CCDC171: variants seen among roughly 807,000 people sequenced by gnomAD.
The protein encoded by CCDC171 is coiled-coil domain-containing protein 171.
Under a neutral mutation model 168.2 loss-of-function variants are expected in CCDC171, and 177 were observed. That is an observed-to-expected ratio of 1.05 (90% CI 0.93 to 1.19). The LOEUF (loss-of-function observed/expected upper bound fraction) is 1.19, where lower values mean the gene tolerates loss of function less well. CCDC171 is among the 50% of genes most tolerant of loss of function. The pLI, the probability that CCDC171 is intolerant of heterozygous loss-of-function variation, is 0.00. For synonymous variants in CCDC171, 687 were observed against 540.8 expected (o/e 1.27, Z -3.75); for missense variants, 1,991 against 1,539.0 (o/e 1.29, Z -4.91).
intron 23 of CCDC171, among the ~76,000 whole-genome samples, chr9:15,861,142 C>T (rs1030619234): frequency 2.0e-5 from 3 of 151,452 alleles, no homozygotes; most frequent in African/African-American, 7.3e-5. Context: ...ATATCTATTT[C>T]CAACACTTTA....
At chr9:15,576,160 T>C (rs2131178253) in intron 3 of CCDC171, among the ~76,000 whole-genome samples, 1 of 151,350 alleles carries the variant, frequency 6.6e-6, no homozygotes, top group South Asian at 2.1e-4. Context: ...TGTGTGTGTG[T>C]ATATACATGT....
At chr9:15,726,371 C>T (rs534425565) in intron 14 of CCDC171, among the ~76,000 whole-genome samples, 1 of 152,128 alleles carries the variant, frequency 6.6e-6, no homozygotes, top group South Asian at 2.1e-4. Flanking sequence ...GACATAATAG[C>T]GACACAATGA....
intron 10 of CCDC171, among the ~76,000 whole-genome samples, chr9:15,693,173 C>T (rs1206966940): frequency 6.7e-6 from 1 of 148,312 alleles, no homozygotes; most frequent in African/African-American, 2.5e-5. Context: ...AAAACAGATG[C>T]TGTGTAGAAA....
chr9:16,103,520 C>T, the CCDC171 span, among the ~76,000 whole-genome samples: 1 of 152,184 alleles, frequency 6.6e-6, no homozygotes, highest in Non-Finnish European at 1.5e-5. Context: ...TAAAGAGCCC[C>T]TTGTTTTCAT....
At chr9:16,103,540 G>C in the CCDC171 span, among the ~76,000 whole-genome samples, 867 of 152,328 alleles carry the variant, frequency 5.7e-3, 8 homozygotes, top group African/African-American at 0.02. Context: ...TCTGCAGGAG[G>C]CCTCATTTGA....
At chr9:16,069,986 C>T in the CCDC171 span, among the ~76,000 whole-genome samples, 1 of 152,150 alleles carries the variant, frequency 6.6e-6, no homozygotes, top group Non-Finnish European at 1.5e-5. Flanking sequence ...GCCAGACTCT[C>T]CTCTCCCTGT....
rs1305322715 is a variant in CCDC171 at position 15,820,246 on chromosome 9, C to G, written c.3268-26456C>G. ...GCCCACAAGAGAAAGCAGAAAAGAT[C>G]TAAAATCGACACCCTAACATCACAA... is the stretch of plus-strand genomic sequence containing the variant. On this transcript the variant is annotated intron_variant, in intron 21 of 25. Coordinates refer to ENST00000380701, the MANE Select transcript of CCDC171 (RefSeq NM_173550.4). Among the ~76,000 whole-genome samples, 4 of 112,756 alleles carry G rather than the reference C, an allele frequency of 3.5e-5. 2 individuals carry two copies. The highest frequency in any genetic ancestry group is 1.7e-4 in the Admixed American group (2 of 12,010). 74.0% of individuals were successfully genotyped at this position (112,756 alleles called of 152,430 possible). A position where few individuals can be genotyped will look rare whatever the true frequency, so the allele number is the denominator to read the frequency against.
At chr9:15,723,786 C>G in intron 13 of CCDC171, 40 bp downstream of exon 13, 1 of 960,984 alleles carries the variant, frequency 1.0e-6, no homozygotes, top group Non-Finnish European at 1.6e-6. Context: ...TATTAAGAAA[C>G]AAATATAGTT....
intron 1 of CCDC171, among the ~76,000 whole-genome samples, chr9:15,558,381 TTG>T (rs1243003083): frequency 6.6e-6 from 1 of 152,180 alleles, no homozygotes; most frequent in African/African-American, 2.4e-5. Context: ...TATTTTTTGG[TTG>T]GTAGGCTATT....
At chr9:15,691,544 T>TATGTATATATA (rs1554762170) in intron 10 of CCDC171, among the ~76,000 whole-genome samples, 2 of 87,792 alleles carry the variant, frequency 2.3e-5, no homozygotes, top group African/African-American at 1.1e-4. Flanking sequence ...AATATATGTT[T>TATGTATATATA]TTTATATATA....
intron 6 of CCDC171, among the ~76,000 whole-genome samples, chr9:15,605,852 C>A (rs1348058280): frequency 6.6e-6 from 1 of 152,104 alleles, no homozygotes; most frequent in Non-Finnish European, 1.5e-5. Flanking sequence ...TTGCCTCCAT[C>A]TTTTGATGTT....
intron 21 of CCDC171, among the ~76,000 whole-genome samples, chr9:15,803,047 A>G (rs1265437213): frequency 1.3e-5 from 2 of 152,096 alleles, no homozygotes; most frequent in South Asian, 2.1e-4. Flanking sequence ...TTGCCACATG[A>G]ATGTTTTCTT....
At chr9:15,754,169 T>A (rs778012572) in intron 18 of CCDC171, among the ~76,000 whole-genome samples, 4 of 152,190 alleles carry the variant, frequency 2.6e-5, no homozygotes, top group African/African-American at 7.2e-5. Flanking sequence ...TATATAGTCA[T>A]GTGGAGTTTC....
At chr9:15,943,563 T>C (rs1210307179) in intron 25 of CCDC171, among the ~76,000 whole-genome samples, 2 of 151,974 alleles carry the variant, frequency 1.3e-5, no homozygotes, top group Non-Finnish European at 2.9e-5. Flanking sequence ...AAGTCAGACA[T>C]TGTGTATTAT....
chr9:15,801,950 G>A (rs1296544215), intron 21 of CCDC171, among the ~76,000 whole-genome samples: 1 of 151,952 alleles, frequency 6.6e-6, no homozygotes, highest in Non-Finnish European at 1.5e-5. Flanking sequence ...AACCATCCTT[G>A]CATCCCTGGG....
Position 15,817,704 on chromosome 9 carries a change from A to G in CCDC171, c.3268-28998A>G, listed in dbSNP as rs578088375. ...GTAAGCAAAGCAACCAGGAAGCTCA[A>G]ACTGGGTGGAGCCCACCACAGCTCA... On this transcript the variant is annotated intron_variant, in intron 21 of 25. Coordinates refer to ENST00000380701, the MANE Select transcript of CCDC171 (RefSeq NM_173550.4). 2.9e-4 allele frequency among the ~76,000 whole-genome samples: 35 copies of G among 118,820 alleles called. 8 individuals are homozygous for G. Among genetic ancestry groups the G allele is most frequent in the Middle Eastern group, 4.4e-3 (1 of 226 alleles). The allele number at this position is 118,820 out of a possible 152,430, so 78.0% of individuals were successfully genotyped here.
chr9:15,580,490 A>G (rs1470457965), intron 4 of CCDC171, among the ~76,000 whole-genome samples: 2 of 152,212 alleles, frequency 1.3e-5, no homozygotes, highest in African/African-American at 4.8e-5. Context: ...TGCATCTGAC[A>G]AAGGAGTAAT....
chr9:15,802,674 T>C (rs2058883418), intron 21 of CCDC171, among the ~76,000 whole-genome samples: 1 of 152,170 alleles, frequency 6.6e-6, no homozygotes, highest in Admixed American at 6.6e-5. Context: ...GCATTTGGGT[T>C]GATTCCATGT....
At chr9:15,734,821 A>C (rs1174924110) in intron 16 of CCDC171, among the ~76,000 whole-genome samples, 1 of 152,160 alleles carries the variant, frequency 6.6e-6, no homozygotes, top group Middle Eastern at 3.2e-3. Context: ...TATGTTGATA[A>C]GGACATGAGG....
Sources: gnomAD v4.1 joint callset for allele counts (sites outside exome capture counted in the v4.1 genomes callset) on GRCh38, gnomAD v4.1.1 for gene constraint, MANE v1.5 for transcripts, NCBI Gene and HGNC (gene_info 2026-07-23, HGNC 2026-07-21) for gene names.